TRPC4AP: variants seen among roughly 807,000 people sequenced by gnomAD.
TRPC4AP encodes short transient receptor potential channel 4-associated protein.
In TRPC4AP, 45 loss-of-function variants were observed where a neutral mutation model predicts 99.0. That is an observed-to-expected ratio of 0.45 (90% CI 0.36 to 0.58). The LOEUF (loss-of-function observed/expected upper bound fraction) is 0.58. TRPC4AP is among the 20% of genes least tolerant of loss of function. The probability of loss-of-function intolerance (pLI) is 0.00; values close to 1 mark genes in which losing one functional copy is unlikely to be tolerated. For missense variants in TRPC4AP, 879 were observed against 985.3 expected (o/e 0.89, Z 1.44); for synonymous variants, 408 against 385.8 (o/e 1.06, Z -0.67).
At chr20:35,036,037 A>T (rs1416301534) in intron 7 of TRPC4AP, among the ~76,000 whole-genome samples, 1 of 151,338 alleles carries the variant, frequency 6.6e-6, no homozygotes, top group Non-Finnish European at 1.5e-5. Flanking sequence ...AAAGATAAAC[A>T]TTTTTTTAAG....
rs80325521 is a variant in TRPC4AP, at chr20:35,006,661, G to A, written c.1687-86C>T. The A allele has an allele frequency of 7.1e-3, 10,898 of 1,526,744 alleles. 58 individuals carry two copies. Among genetic ancestry groups the A allele is most frequent in the South Asian group, 0.015 (1,211 of 81,892 alleles). The allele number at this position is 1,526,744 out of a possible 1,614,324, so 94.6% of individuals were successfully genotyped here. ...GGAGCTCAGACCATGCATTGGCTTT[G>A]AGCAAGCATCCTGGGGATGGAACTG... On this transcript the variant is annotated intron_variant, in intron 14 of 18. Transcript: ENST00000252015.
intron 7 of TRPC4AP, among the ~76,000 whole-genome samples, chr20:35,041,406 C>T (rs1400654778): frequency 6.6e-6 from 1 of 152,130 alleles, no homozygotes; most frequent in Non-Finnish European, 1.5e-5. Flanking sequence ...TCAGATCCTG[C>T]ACAACCTCAT....
chr20:35,043,237 G>T (rs1434817209), intron 7 of TRPC4AP, among the ~76,000 whole-genome samples: 1 of 151,404 alleles, frequency 6.6e-6, no homozygotes, highest in Non-Finnish European at 1.5e-5. Context: ...AAATAATGTT[G>T]CAATGAATAA....
intron 7 of TRPC4AP, among the ~76,000 whole-genome samples, chr20:35,037,386 C>T (rs1024921432): frequency 6.7e-6 from 1 of 150,366 alleles, no homozygotes; most frequent in East Asian, 1.9e-4. Context: ...CATAAAATTA[C>T]CATATGACCC....
intron 5 of TRPC4AP, among the ~76,000 whole-genome samples, chr20:35,054,033 A>G (rs943876904): frequency 1.3e-5 from 2 of 152,194 alleles, no homozygotes; most frequent in South Asian, 4.1e-4. Flanking sequence ...CTTCATTTTT[A>G]TATCAGCCCA....
chr20:35,004,047 G>A (rs746247683), intron 17 of TRPC4AP, among the ~76,000 whole-genome samples: 5 of 152,176 alleles, frequency 3.3e-5, no homozygotes, highest in African/African-American at 4.8e-5. Flanking sequence ...ACCTCAGAAC[G>A]GAACCAAAGA....
chr20:35,079,765 C>T (rs2084581443), intron 1 of TRPC4AP, among the ~76,000 whole-genome samples: 1 of 152,098 alleles, frequency 6.6e-6, no homozygotes, highest in Non-Finnish European at 1.5e-5. Context: ...CAATATTTGC[C>T]TAGCACTTTG....
At chr20:35,082,901 A>G (rs1019893717) in intron 1 of TRPC4AP, among the ~76,000 whole-genome samples, 1 of 152,236 alleles carries the variant, frequency 6.6e-6, no homozygotes, top group Non-Finnish European at 1.5e-5. Flanking sequence ...ACAGGTATCC[A>G]CAGAAAACCC....
At chr20:35,019,016 A>C (rs1263785835) in intron 9 of TRPC4AP, among the ~76,000 whole-genome samples, 1 of 152,224 alleles carries the variant, frequency 6.6e-6, no homozygotes, top group Non-Finnish European at 1.5e-5. Context: ...AGAGGGATGA[A>C]ACTTGACAGC....
At chr20:35,076,144 T>C (rs1255962369) in intron 2 of TRPC4AP, among the ~76,000 whole-genome samples, 1 of 152,222 alleles carries the variant, frequency 6.6e-6, no homozygotes, top group Non-Finnish European at 1.5e-5. Context: ...CTGTTTATTC[T>C]AGTTAGCCAT....
intron 8 of TRPC4AP, among the ~76,000 whole-genome samples, chr20:35,027,660 T>C (rs2083064281): frequency 6.6e-6 from 1 of 152,190 alleles, no homozygotes; most frequent in Admixed American, 6.5e-5. Flanking sequence ...GGACTTTTCT[T>C]TGTGGGCAGT....
At chr20:35,015,226 C>T (rs2082722576) in intron 10 of TRPC4AP, among the ~76,000 whole-genome samples, 1 of 152,076 alleles carries the variant, frequency 6.6e-6, no homozygotes, top group African/African-American at 2.4e-5. Flanking sequence ...GTCTCGAACT[C>T]CTGACCTCAA....
In TRPC4AP at chr20:35,028,535, CT is replaced by C. The variant is rs531237067; in HGVS notation, c.1051+6587del. Among the ~76,000 whole-genome samples, 219 of 152,268 alleles carry C rather than the reference CT, an allele frequency of 1.4e-3. 7 individuals are homozygous for C. Among genetic ancestry groups the C allele is most frequent in the South Asian group, 2.1e-3 (10 of 4,828 alleles). On this transcript the variant is annotated intron_variant, in intron 8 of 18. Coordinates refer to ENST00000252015, the MANE Select transcript of TRPC4AP (RefSeq NM_015638.3). ...CACCCCACTGGGATTTGAGGACATACTTTTGTACAGTTTTAATCCTTTTAAA... is the reference window on the plus strand; with the variant it reads ...CACCCCACTGGGATTTGAGGACATACTTTGTACAGTTTTAATCCTTTTAAA...
chr20:35,008,422 A>G (rs770368793), intron 13 of TRPC4AP, among the ~76,000 whole-genome samples: 6 of 152,086 alleles, frequency 3.9e-5, no homozygotes, highest in Non-Finnish European at 5.9e-5. Context: ...TCTCCCACCC[A>G]TAAGGCACCA....
At chr20:35,029,420 T>C (rs2083112847) in intron 8 of TRPC4AP, among the ~76,000 whole-genome samples, 1 of 152,168 alleles carries the variant, frequency 6.6e-6, no homozygotes, top group Non-Finnish European at 1.5e-5. Context: ...CAATCTGTCT[T>C]TTGAATGAAT....
In TRPC4AP at chr20:35,086,431, ATGTGTGTGTGTGTGTGTG is replaced by A. The variant is rs150231202; in HGVS notation, c.168+6165_168+6182del. ...AACTTCCCATTGAAATGAATGGCATATGTGTGTGTGTGTGTGTGTGTGTGTGTGTGTGTGTGTGTGTGT... is the reference window on the plus strand; with the variant it reads ...AACTTCCCATTGAAATGAATGGCATATGTGTGTGTGTGTGTGTGTGTGTGT... On this transcript the variant is annotated intron_variant, in intron 1 of 18. Coordinates refer to ENST00000252015, the MANE Select transcript of TRPC4AP (RefSeq NM_015638.3). Among the ~76,000 whole-genome samples, 56 of 109,512 alleles carry A rather than the reference ATGTGTGTGTGTGTGTGTG, an allele frequency of 5.1e-4. 1 individual carries two copies. The highest frequency in any genetic ancestry group is 1.7e-3 in the East Asian group (6 of 3,566). 71.8% of individuals were successfully genotyped at this position (109,512 alleles called of 152,430 possible). A position where few individuals can be genotyped will look rare whatever the true frequency, so the allele number is the denominator to read the frequency against.
chr20:35,026,650 T>C (rs946936647), intron 8 of TRPC4AP, among the ~76,000 whole-genome samples: 1 of 152,220 alleles, frequency 6.6e-6, no homozygotes, highest in Admixed American at 6.5e-5. Flanking sequence ...GGCTGATCTA[T>C]AGATCAGAAT....
At chr20:35,092,495 C>CA (rs1235790484) in intron 1 of TRPC4AP, 119 bp downstream of exon 1, 2 of 1,245,472 alleles carry the variant, frequency 1.6e-6, no homozygotes, top group East Asian at 6.2e-5. Flanking sequence ...GGGAGGCCTT[C>CA]CGGCCAGCCA....
At chr20:35,056,004 TTCCATTCACTCCTAAGCTGCTA>T (rs2083817368) in intron 4 of TRPC4AP, among the ~76,000 whole-genome samples, 2 of 152,348 alleles carry the variant, frequency 1.3e-5, no homozygotes, top group South Asian at 4.1e-4. Flanking sequence ...TTAAAATTGT[TTCCATTCACTCCTAAGCTGCTA>T]GGAATGCTAA....
Sources: allele counts gnomAD v4.1 joint callset (sites outside exome capture counted in the v4.1 genomes callset), GRCh38; gene constraint gnomAD v4.1.1; transcripts MANE v1.5; gene names NCBI Gene and HGNC (gene_info 2026-07-23, HGNC 2026-07-21).